Variants in DLG2 observed in about 807,000 individuals in gnomAD.
The protein encoded by DLG2 is disks large homolog 2.
DLG2 carries 45 observed loss-of-function variants against 132.5 expected under a neutral mutation model. That is an observed-to-expected ratio of 0.34 (90% confidence interval 0.27 to 0.44). The LOEUF is 0.44. Among genes scored for constraint, DLG2 ranks in the 20% least tolerant of loss-of-function variants. The pLI is 1.00. For missense variants in DLG2, 1,045 were observed against 1,196.9 expected (o/e 0.87, Z 1.87); for synonymous variants, 424 against 419.6 (o/e 1.01, Z -0.13).
intron 7 of DLG2, among the ~76,000 whole-genome samples, chr11:84,346,247 A>T (rs1423927895): frequency 6.6e-6 from 1 of 152,112 alleles, no homozygotes; most frequent in African/African-American, 2.4e-5. Flanking sequence ...GCTAACTCAC[A>T]TTTATTCCTG....
chr11:84,234,792 G>T (rs977173258), intron 8 of DLG2, among the ~76,000 whole-genome samples: 16 of 152,150 alleles, frequency 1.1e-4, no homozygotes, highest in African/African-American at 3.1e-4. Flanking sequence ...GGCCCTGAAA[G>T]AAATTAAAGC....
chr11:85,042,611 G>A (rs1033871045), intron 6 of DLG2, among the ~76,000 whole-genome samples: 1 of 151,954 alleles, frequency 6.6e-6, no homozygotes, highest in Non-Finnish European at 1.5e-5. Flanking sequence ...TAAGAAGAAT[G>A]CTTGACACAA....
rs117516044 is a variant in DLG2 at position 83,870,002 on chromosome 11, C to T, written c.1565+4418G>A. On this transcript the variant is annotated intron_variant, in intron 16 of 27. Transcript: ENST00000376104. ...AACAAAATGCTTCTAGGTTTTTGCA[C>T]GTGATTTTATTTTCTATTTTTTTAA... Among the ~76,000 whole-genome samples the T allele has an allele frequency of 3.4e-3, 523 of 152,278 alleles. 2 individuals carry two copies. The highest frequency in any genetic ancestry group is 6.4e-3 in the Non-Finnish European group (437 of 68,014).
In DLG2 at chr11:84,062,562, T is replaced by C. The variant is rs534163967; in HGVS notation, c.750-3078A>G. On this transcript the variant is annotated intron_variant, in intron 10 of 27. Coordinates refer to ENST00000376104, the MANE Select transcript of DLG2 (RefSeq NM_001142699.3). Reference sequence around the variant, plus strand: ...CAATATCAGCCAGTCATTTCACTTATTTGTTCTTACTTAAACAATTTATAA... The same window carrying C: ...CAATATCAGCCAGTCATTTCACTTACTTGTTCTTACTTAAACAATTTATAA... Among the ~76,000 whole-genome samples the C allele has an allele frequency of 1.2e-4, 19 of 152,326 alleles. No individual in the cohort carries two copies. The South Asian group carries it at 2.9e-3, about 23-fold the overall frequency.
At chr11:85,490,768 G>A (rs1171053566) in intron 3 of DLG2, among the ~76,000 whole-genome samples, 1 of 151,870 alleles carries the variant, frequency 6.6e-6, no homozygotes, top group East Asian at 1.9e-4. Flanking sequence ...TAGAAAACCT[G>A]AACAAACCAG....
At chr11:85,482,725 C>G (rs903661480) in intron 3 of DLG2, among the ~76,000 whole-genome samples, 11 of 152,080 alleles carry the variant, frequency 7.2e-5, no homozygotes, top group African/African-American at 2.7e-4. Context: ...GACCCAGGCT[C>G]CACATGGACC....
chr11:85,439,734 T>C (rs533736297), intron 3 of DLG2, among the ~76,000 whole-genome samples: 23 of 152,168 alleles, frequency 1.5e-4, no homozygotes, highest in African/African-American at 4.8e-4. Flanking sequence ...GATATATGTG[T>C]GAAACAAAAA....
intron 4 of DLG2, among the ~76,000 whole-genome samples, chr11:85,269,021 A>G (rs1371649804): frequency 2.0e-5 from 3 of 152,358 alleles, no homozygotes; most frequent in East Asian, 1.9e-4. Context: ...TCTCAACTCT[A>G]TACTTTTAAA....
chr11:83,659,593 T>C (rs981920041), intron 18 of DLG2, among the ~76,000 whole-genome samples: 3 of 152,196 alleles, frequency 2.0e-5, no homozygotes, highest in Non-Finnish European at 2.9e-5. Flanking sequence ...AACATGTCAA[T>C]GGGGCTCTGC....
intron 6 of DLG2, among the ~76,000 whole-genome samples, chr11:84,651,355 T>G (rs567849749): frequency 6.6e-6 from 1 of 152,258 alleles, no homozygotes; most frequent in African/African-American, 2.4e-5. Context: ...TTTCCTGTTG[T>G]TATGTAGTAT....
intron 3 of DLG2, among the ~76,000 whole-genome samples, chr11:85,553,050 A>G (rs1598465659): frequency 6.6e-6 from 1 of 151,768 alleles, no homozygotes; most frequent in Non-Finnish European, 1.5e-5. Context: ...CAGAAAAACA[A>G]TTACATGGAG....
At chr11:83,695,269 A>G (rs1479230191) in intron 18 of DLG2, among the ~76,000 whole-genome samples, 1 of 152,216 alleles carries the variant, frequency 6.6e-6, no homozygotes. Context: ...ACAAACATGA[A>G]TAGCCCAGCC....
intron 17 of DLG2, among the ~76,000 whole-genome samples, chr11:83,822,227 T>C (rs1052694065): frequency 6.6e-6 from 1 of 152,182 alleles, no homozygotes; most frequent in Non-Finnish European, 1.5e-5. Context: ...GCACACAATA[T>C]GTCTCTCATC....
At chr11:84,056,669 G>C (rs1286241300) in intron 11 of DLG2, among the ~76,000 whole-genome samples, 3 of 152,088 alleles carry the variant, frequency 2.0e-5, no homozygotes, top group Non-Finnish European at 4.4e-5. Flanking sequence ...AAGACCACGA[G>C]GTATCATCAG....
intron 10 of DLG2, among the ~76,000 whole-genome samples, chr11:84,096,350 AT>A (rs2097165084): frequency 6.6e-6 from 1 of 152,168 alleles, no homozygotes; most frequent in Non-Finnish European, 1.5e-5. Flanking sequence ...AGCTTTCATT[AT>A]CAATATTATC....
intron 6 of DLG2, among the ~76,000 whole-genome samples, chr11:84,621,747 GA>G (rs1287909610): frequency 6.6e-6 from 1 of 152,102 alleles, no homozygotes; most frequent in Admixed American, 6.6e-5. Context: ...GGCTGCTGGG[GA>G]TTTTAAGATC....
At chr11:84,421,773 A>G (rs913548599) in intron 7 of DLG2, among the ~76,000 whole-genome samples, 1 of 152,202 alleles carries the variant, frequency 6.6e-6, no homozygotes, top group African/African-American at 2.4e-5. Context: ...TGCTCTGCTC[A>G]GGCCAAGATG....
intron 6 of DLG2, among the ~76,000 whole-genome samples, chr11:84,876,563 T>G (rs1357132528): frequency 6.6e-6 from 1 of 152,188 alleles, no homozygotes; most frequent in Non-Finnish European, 1.5e-5. Flanking sequence ...TCTATTTGAT[T>G]ATTTTCTCTT....
At chr11:84,400,767 T>G (rs574176032) in intron 7 of DLG2, among the ~76,000 whole-genome samples, 2 of 152,294 alleles carry the variant, frequency 1.3e-5, no homozygotes, top group Non-Finnish European at 2.9e-5. Context: ...AGACATTGCT[T>G]TTTTTGTATG....
Sources: allele counts gnomAD v4.1 joint callset (sites outside exome capture counted in the v4.1 genomes callset), GRCh38; gene constraint gnomAD v4.1.1; transcripts MANE v1.5; gene names NCBI Gene and HGNC (gene_info 2026-07-23, HGNC 2026-07-21).